PLA2G4A: variants seen among roughly 807,000 people sequenced by gnomAD.
The protein encoded by PLA2G4A is phospholipase A2 group IVA.
In PLA2G4A, 40 loss-of-function variants were observed where a neutral mutation model predicts 81.9. The ratio of observed to expected loss-of-function variants is 0.49; its 90% CI spans 0.38 to 0.64. PLA2G4A has a LOEUF of 0.64. Among genes scored for constraint, PLA2G4A ranks in the 30% least tolerant of loss-of-function variants. The pLI, the probability that PLA2G4A is intolerant of heterozygous loss-of-function variation, is 0.00. For missense variants in PLA2G4A, 715 were observed against 905.1 expected (o/e 0.79, Z 2.69); for synonymous variants, 302 against 296.9 (o/e 1.02, Z -0.18).
At chr1:186,863,712 C>T (rs1202079084) in intron 2 of PLA2G4A, among the ~76,000 whole-genome samples, 1 of 151,960 alleles carries the variant, frequency 6.6e-6, no homozygotes, top group African/African-American at 2.4e-5. Flanking sequence ...TCTTTAGATT[C>T]CACATATGGG....
intron 13 of PLA2G4A, among the ~76,000 whole-genome samples, chr1:186,955,308 AAT>A (rs566839162): frequency 0.011 from 1,634 of 152,270 alleles, 10 homozygotes; most frequent in Non-Finnish European, 0.018. Flanking sequence ...TTTAGTAGCA[AAT>A]ATATGTTGAA....
intron 7 of PLA2G4A, among the ~76,000 whole-genome samples, chr1:186,923,771 C>A (rs1440674000): frequency 6.6e-6 from 1 of 152,224 alleles, no homozygotes; most frequent in Non-Finnish European, 1.5e-5. Context: ...TGACTGTCAA[C>A]TTTATTTGGG....
chr1:186,881,165 T>C (rs529754372), intron 3 of PLA2G4A, among the ~76,000 whole-genome samples: 2 of 152,166 alleles, frequency 1.3e-5, no homozygotes, highest in African/African-American at 4.8e-5. Context: ...AGTGTCATGC[T>C]GCCTTACACT....
At chr1:186,964,227 G>C (rs1230577002) in intron 14 of PLA2G4A, among the ~76,000 whole-genome samples, 1 of 152,162 alleles carries the variant, frequency 6.6e-6, no homozygotes, top group Admixed American at 6.5e-5. Context: ...GTGGACAAGG[G>C]AACAGAGCAC....
intron 14 of PLA2G4A, among the ~76,000 whole-genome samples, chr1:186,959,512 C>T (rs1193720456): frequency 6.6e-6 from 1 of 151,918 alleles, no homozygotes; most frequent in South Asian, 2.1e-4. Context: ...TTTATGTATT[C>T]AGTTGAAAAA....
At chr1:186,928,678 GTT>G (rs891792665) in intron 7 of PLA2G4A, among the ~76,000 whole-genome samples, 1 of 152,168 alleles carries the variant, frequency 6.6e-6, no homozygotes, top group Non-Finnish European at 1.5e-5. Context: ...GGAGAGAAAT[GTT>G]TTTATGTAAT....
intron 13 of PLA2G4A, among the ~76,000 whole-genome samples, chr1:186,951,282 G>A (rs1656551795): frequency 6.6e-6 from 1 of 152,048 alleles, no homozygotes; most frequent in Non-Finnish European, 1.5e-5. Context: ...AAGGTAGTTT[G>A]CAGTTTGGTG....
intron 3 of PLA2G4A, among the ~76,000 whole-genome samples, chr1:186,876,758 T>A (rs1419282902): frequency 6.6e-6 from 1 of 152,138 alleles, no homozygotes; most frequent in African/African-American, 2.4e-5. Context: ...GGCCATCCTG[T>A]AGTCACCATG....
chr1:186,870,845 A>G (rs1360302225), intron 3 of PLA2G4A: 1 of 681,950 alleles, frequency 1.5e-6, no homozygotes, highest in Non-Finnish European at 2.5e-6. Flanking sequence ...CCTTCTTCAA[A>G]TGTGGTTATG....
chr1:186,887,868 A>C (rs946165504), intron 3 of PLA2G4A, among the ~76,000 whole-genome samples: 9 of 152,198 alleles, frequency 5.9e-5, no homozygotes, highest in African/African-American at 2.2e-4. Flanking sequence ...TATGCAAAGA[A>C]ACTGAGCTAT....
intron 5 of PLA2G4A, 67 bp downstream of exon 5, chr1:186,894,278 G>A: frequency 1.3e-6 from 1 of 767,534 alleles, no homozygotes; most frequent in Non-Finnish European, 2.4e-6. Flanking sequence ...CTGGGAAGTT[G>A]GGTTTAACAC....
chr1:186,839,069 A>G (rs1651886920), intron 1 of PLA2G4A, among the ~76,000 whole-genome samples: 1 of 152,076 alleles, frequency 6.6e-6, no homozygotes, highest in Non-Finnish European at 1.5e-5. Context: ...AAAGTTAAAA[A>G]AACATTTTAA....
At chr1:186,950,845 A>T in intron 13 of PLA2G4A, 117 bp downstream of exon 13, 2 of 711,590 alleles carry the variant, frequency 2.8e-6, no homozygotes, top group Non-Finnish European at 5.2e-6. Context: ...CGGAAGTGAT[A>T]AAATTGTAGC....
At chr1:186,904,056 T>A (rs139553463) in intron 5 of PLA2G4A, among the ~76,000 whole-genome samples, 3,575 of 152,310 alleles carry the variant, frequency 0.023, 50 homozygotes, top group Non-Finnish European at 0.039. Flanking sequence ...CCTTTAAAAA[T>A]TATTTGAAAG....
chr1:186,854,800 CTTAG>C (rs1175140368), intron 2 of PLA2G4A, among the ~76,000 whole-genome samples: 1 of 151,806 alleles, frequency 6.6e-6, no homozygotes, highest in African/African-American at 2.4e-5. Flanking sequence ...TAAACTTTCC[CTTAG>C]TTAGATATGT....
At chr1:186,870,942 C>T (rs1222903411) in intron 3 of PLA2G4A, among the ~76,000 whole-genome samples, 1 of 152,146 alleles carries the variant, frequency 6.6e-6, no homozygotes, top group African/African-American at 2.4e-5. Flanking sequence ...CTTAAATTAG[C>T]CGAGATCACT....
chr1:186,857,002 A>G (rs1652576024), intron 2 of PLA2G4A, among the ~76,000 whole-genome samples: 1 of 130,532 alleles, frequency 7.7e-6, no homozygotes, highest in African/African-American at 2.9e-5. Flanking sequence ...TAACTCTTCT[A>G]CTTGATCTGA....
rs538049843 is a variant in PLA2G4A, at chr1:186,856,227, C to T, written c.33+1840C>T. 4.3e-4 allele frequency among the ~76,000 whole-genome samples: 66 copies of T among 151,848 alleles called. 1 individual carries two copies. In the South Asian group the frequency reaches 7.1e-3, roughly 16 times the overall value. On this transcript the variant is annotated intron_variant, in intron 2 of 17. Transcript: ENST00000367466. ...ACCATGAATCTCATCCACAACTAAA[C>T]GTTACTTAATTTTATCTTTAACTAT...
chr1:186,869,569 T>A (rs1653164786), intron 2 of PLA2G4A, among the ~76,000 whole-genome samples: 1 of 152,180 alleles, frequency 6.6e-6, no homozygotes, highest in Admixed American at 6.5e-5. Flanking sequence ...TTTTTTTGCC[T>A]CCTTGCATTT....
Sources: allele counts gnomAD v4.1 joint callset (sites outside exome capture counted in the v4.1 genomes callset), GRCh38; gene constraint gnomAD v4.1.1; transcripts MANE v1.5; gene names NCBI Gene and HGNC (gene_info 2026-07-23, HGNC 2026-07-21).